Variants in CDK14 observed in about 807,000 individuals in gnomAD.
CDK14 encodes cyclin dependent kinase 14, also known as cyclin-dependent kinase 14.
CDK14 carries 34 observed loss-of-function variants against 60.7 expected under a neutral mutation model. The observed-to-expected ratio is 0.56, with a 90% CI of 0.43 to 0.75. CDK14 has a LOEUF of 0.75. Among genes scored for constraint, CDK14 ranks in the 30% least tolerant of loss-of-function variants. CDK14 has a pLI of 0.00. For synonymous variants in CDK14, 197 were observed against 203.7 expected (o/e 0.97, Z 0.28); for missense variants, 482 against 564.1 (o/e 0.85, Z 1.47).
chr7:90,670,281 G>T (rs1801068954), intron 2 of CDK14, among the ~76,000 whole-genome samples: 1 of 152,172 alleles, frequency 6.6e-6, no homozygotes, highest in South Asian at 2.1e-4. Context: ...GTAGACTTGG[G>T]ATCATTTAGT....
At chr7:90,865,312 C>T (rs529227632) in intron 6 of CDK14, among the ~76,000 whole-genome samples, 61 of 152,090 alleles carry the variant, frequency 4.0e-4, no homozygotes, top group Non-Finnish European at 6.9e-4. Context: ...TTTCTCAGCA[C>T]GATTAGTCTA....
chr7:90,801,986 A>C (rs991178752), intron 5 of CDK14, among the ~76,000 whole-genome samples: 3 of 152,160 alleles, frequency 2.0e-5, no homozygotes, highest in African/African-American at 7.2e-5. Context: ...TCTTGCACTC[A>C]GGCTCCTGAA....
chr7:91,189,888 G>A (rs1172658683), intron 14 of CDK14, among the ~76,000 whole-genome samples: 1 of 152,214 alleles, frequency 6.6e-6, no homozygotes, highest in African/African-American at 2.4e-5. Flanking sequence ...TAAAACCTGA[G>A]TGTTAGTTTC....
chr7:90,820,690 C>T (rs1304430322), intron 5 of CDK14, among the ~76,000 whole-genome samples: 2 of 152,130 alleles, frequency 1.3e-5, no homozygotes, highest in African/African-American at 4.8e-5. Flanking sequence ...ATGCGTCTAA[C>T]CTTATGGAAC....
intron 6 of CDK14, among the ~76,000 whole-genome samples, chr7:90,890,019 C>T (rs1345131289): frequency 2.0e-5 from 3 of 152,134 alleles, no homozygotes; most frequent in Non-Finnish European, 2.9e-5. Flanking sequence ...TAGCATTAAA[C>T]CTGAATAACA....
chr7:90,602,246 C>A (rs1359795594), intron 1 of CDK14, among the ~76,000 whole-genome samples: 1 of 152,174 alleles, frequency 6.6e-6, no homozygotes, highest in Non-Finnish European at 1.5e-5. Flanking sequence ...GCTGCTGTAG[C>A]TTTGCATCTT....
At chr7:90,911,977 A>G (rs1010034433) in intron 7 of CDK14, among the ~76,000 whole-genome samples, 4 of 152,164 alleles carry the variant, frequency 2.6e-5, no homozygotes, top group African/African-American at 9.7e-5. Context: ...CTGGCTAAAG[A>G]TAGCTCTGCT....
rs879567953 is a variant in CDK14 at position 91,209,726 on chromosome 7, T to C, written c.*2590T>C. On this transcript the variant is annotated 3_prime_UTR_variant, in exon 15 of 15. Coordinates refer to ENST00000380050, the MANE Select transcript of CDK14 (RefSeq NM_001287135.2). ...GATTTGACACTTAATTCCCATTTTC[T>C]TAAAATAACAGTTTTGTTGACTTAA... The C allele has an allele frequency of 1.3e-5, 2 of 152,608 alleles. No homozygotes were observed. Among genetic ancestry groups the C allele is most frequent in the Non-Finnish European group, 2.9e-5 (2 of 68,040 alleles). The allele number at this position is 152,608 out of a possible 1,614,324, so 9.5% of individuals were successfully genotyped here.
At chr7:90,907,445 T>G (rs546670348) in intron 7 of CDK14, among the ~76,000 whole-genome samples, 1 of 152,140 alleles carries the variant, frequency 6.6e-6, no homozygotes, top group South Asian at 2.1e-4. Flanking sequence ...AAATTAAGAT[T>G]CATGAAAAAA....
intron 7 of CDK14, among the ~76,000 whole-genome samples, chr7:90,900,909 G>C (rs1562820131): frequency 6.6e-6 from 1 of 152,130 alleles, no homozygotes; most frequent in Non-Finnish European, 1.5e-5. Context: ...ATGAAAAAAA[G>C]AAAACCTCTT....
At position 90,811,344 on chromosome 7, in the gene CDK14, C is replaced by T. The variant is rs1455231442; in HGVS notation, c.544+20692C>T. 5.3e-5 allele frequency among the ~76,000 whole-genome samples: 8 copies of T among 151,852 alleles called. No individual in the cohort carries two copies. The East Asian group carries it at 1.4e-3, about 26-fold the overall frequency. On this transcript the variant is annotated intron_variant, in intron 5 of 14. Transcript: ENST00000380050. ...TACAACTATCTGATCTTTGACAAAC[C>T]TGAGAAAAACAAGCAATGGGGAAAG...
intron 2 of CDK14, among the ~76,000 whole-genome samples, chr7:90,701,955 C>T (rs944214291): frequency 6.6e-4 from 100 of 152,038 alleles, no homozygotes; most frequent in African/African-American, 2.4e-3. Flanking sequence ...TGCCTCTAAG[C>T]GAATGCTTTC....
chr7:90,875,305 G>C (rs1791519731), intron 6 of CDK14, among the ~76,000 whole-genome samples: 1 of 152,194 alleles, frequency 6.6e-6, no homozygotes, highest in Admixed American at 6.5e-5. Flanking sequence ...GTTGTGAATA[G>C]TGCTGCTATG....
intron 2 of CDK14, among the ~76,000 whole-genome samples, chr7:90,642,525 T>G (rs1198752813): frequency 6.7e-6 from 1 of 150,096 alleles, no homozygotes; most frequent in African/African-American, 2.5e-5. Context: ...ATAGCAAGAG[T>G]TTTTTTTTAA....
chr7:91,131,744 A>G (rs1800124516), intron 14 of CDK14, among the ~76,000 whole-genome samples: 1 of 152,162 alleles, frequency 6.6e-6, no homozygotes, highest in Non-Finnish European at 1.5e-5. Flanking sequence ...TACTTTACAG[A>G]TGTTGGGAAC....
At chr7:91,187,131 T>TTCATTTAAACA (rs1445769419) in intron 14 of CDK14, among the ~76,000 whole-genome samples, 1 of 152,246 alleles carries the variant, frequency 6.6e-6, no homozygotes, top group Non-Finnish European at 1.5e-5. Flanking sequence ...CTCTTTGTGC[T>TTCATTTAAACA]TGTAATAAGG....
intron 2 of CDK14, among the ~76,000 whole-genome samples, chr7:90,646,002 G>C (rs2116457573): frequency 6.6e-6 from 1 of 152,316 alleles, no homozygotes; most frequent in Admixed American, 6.5e-5. Flanking sequence ...TATGGGTGGA[G>C]TCTGTGGGCA....
At chr7:90,715,656 CCTT>C (rs1446444378) in intron 2 of CDK14, among the ~76,000 whole-genome samples, 1 of 82,516 alleles carries the variant, frequency 1.2e-5, no homozygotes, top group East Asian at 3.9e-4. Flanking sequence ...CAGGAATAGA[CCTT>C]TTTTTTTTTT....
chr7:90,756,619 G>A (rs1804070844), intron 4 of CDK14, among the ~76,000 whole-genome samples: 1 of 152,168 alleles, frequency 6.6e-6, no homozygotes. Flanking sequence ...CTTGCTTTAA[G>A]GTGGCTAAGT....
Sources: gnomAD v4.1 joint callset for allele counts (sites outside exome capture counted in the v4.1 genomes callset) on GRCh38, gnomAD v4.1.1 for gene constraint, MANE v1.5 for transcripts, NCBI Gene and HGNC (gene_info 2026-07-23, HGNC 2026-07-21) for gene names.